The following USP10 variants were observed in gnomAD, a reference collection of about 807,000 sequenced individuals.
The protein encoded by USP10 is ubiquitin specific peptidase 10, also known as ubiquitin carboxyl-terminal hydrolase 10.
USP10 carries 22 observed loss-of-function variants against 84.5 expected under a neutral mutation model. The observed-to-expected ratio is 0.26, with a 90% CI of 0.19 to 0.37. The LOEUF is 0.37. Ranked by LOEUF, USP10 falls within the 10% of genes least tolerant of loss-of-function variation. The probability of loss-of-function intolerance (pLI) is 1.00; values close to 1 mark genes in which losing one functional copy is unlikely to be tolerated. For synonymous variants in USP10, 454 were observed against 387.6 expected (o/e 1.17, Z -2.01); for missense variants, 1,019 against 998.9 (o/e 1.02, Z -0.27).
intron 1 of USP10, 150 bp from the exon 2 acceptor site, chr16:84,733,285 C>CT: frequency 6.3e-6 from 4 of 633,450 alleles, no homozygotes; most frequent in South Asian, 1.9e-5. Context: ...ACCTAGAACT[C>CT]TGAGTTGCAG....
At chr16:84,704,622 G>T in intron 1 of USP10, 1 of 1,268,648 alleles carries the variant, frequency 7.9e-7, no homozygotes, top group South Asian at 1.8e-5. Flanking sequence ...AGCCCTTGGG[G>T]TATGTGTATA....
intron 1 of USP10, among the ~76,000 whole-genome samples, chr16:84,708,682 A>G (rs1905870107): frequency 1.3e-5 from 2 of 152,242 alleles, no homozygotes; most frequent in Admixed American, 1.3e-4. Context: ...GCAAAAAACA[A>G]AACACTTCCC....
chr16:84,721,926 C>G (rs1567600230), intron 1 of USP10, among the ~76,000 whole-genome samples: 2 of 152,186 alleles, frequency 1.3e-5, no homozygotes, highest in African/African-American at 2.4e-5. Flanking sequence ...TTGAACTCCT[C>G]TCAAGTGATC....
At chr16:84,740,231 T>G in intron 2 of USP10, 78 bp from the exon 3 acceptor site, 2 of 1,312,760 alleles carry the variant, frequency 1.5e-6, no homozygotes, top group Non-Finnish European at 2.2e-6. Flanking sequence ...TTTTAATGAA[T>G]TGTTGCCTTA....
chr16:84,741,338 G>A (rs1910596066), intron 3 of USP10, among the ~76,000 whole-genome samples: 1 of 152,198 alleles, frequency 6.6e-6, no homozygotes. Flanking sequence ...TGAGGGACCG[G>A]GAAGCCGGGC....
chr16:84,728,241 A>T (rs1401867621), intron 1 of USP10, among the ~76,000 whole-genome samples: 3 of 152,232 alleles, frequency 2.0e-5, no homozygotes, highest in South Asian at 2.1e-4. Context: ...TTGCTTCAAC[A>T]TTTAGTCAGA....
chr16:84,767,787 T>A (rs1460919134), intron 10 of USP10, among the ~76,000 whole-genome samples: 3 of 135,986 alleles, frequency 2.2e-5, no homozygotes, highest in Non-Finnish European at 5.2e-5. Context: ...TTTTTTTTAA[T>A]TTATTTTTTT....
intron 4 of USP10, among the ~76,000 whole-genome samples, chr16:84,757,565 T>C (rs907021079): frequency 2.0e-5 from 3 of 152,210 alleles, no homozygotes; most frequent in African/African-American, 7.2e-5. Flanking sequence ...TGGATGCTAC[T>C]ATCAAATGTA....
rs1263269427 is a variant in USP10, at chr16:84,725,512, T to C, written c.22-7923T>C. The stretch of plus-strand genomic sequence containing the variant: ...GCCTGCTGGGTTCAAGCAATTCTCC[T>C]GCCTCAGCCTCCTGAGTAGCTGAGA... On this transcript the variant is annotated intron_variant, in intron 1 of 13. Coordinates refer to ENST00000219473, the MANE Select transcript of USP10 (RefSeq NM_005153.3). 2.6e-5 allele frequency among the ~76,000 whole-genome samples: 4 copies of C among 152,216 alleles called. No homozygotes were observed. The East Asian group carries it at 7.7e-4, about 29-fold the overall frequency.
intron 2 of USP10, 78 bp downstream of exon 2, chr16:84,733,581 T>A (rs1362544187): frequency 9.0e-7 from 1 of 1,114,870 alleles, no homozygotes; most frequent in Admixed American, 2.5e-5. Flanking sequence ...TTTGTTTTTT[T>A]AAATAAAGAA....
chr16:84,752,579 G>A (rs17764145), intron 4 of USP10, among the ~76,000 whole-genome samples: 10,149 of 152,290 alleles, frequency 0.067, 374 homozygotes, highest in Non-Finnish European at 0.075. Flanking sequence ...TAAATAGAGC[G>A]AAGAGTGATA....
chr16:84,778,733 G>C (rs1023804098), intron 13 of USP10, among the ~76,000 whole-genome samples, 162 bp from the exon 14 acceptor site: 2 of 152,254 alleles, frequency 1.3e-5, no homozygotes, highest in East Asian at 3.8e-4. Flanking sequence ...GCGTGTTTGA[G>C]TTGAAATAGC....
chr16:84,713,465 G>A (rs1179027913), intron 1 of USP10, among the ~76,000 whole-genome samples: 1 of 151,938 alleles, frequency 6.6e-6, no homozygotes, highest in Non-Finnish European at 1.5e-5. Context: ...CTACATACCC[G>A]CTATCCTGAC....
chr16:84,705,988 C>T (rs1905450028), intron 1 of USP10, among the ~76,000 whole-genome samples: 1 of 152,164 alleles, frequency 6.6e-6, no homozygotes, highest in Non-Finnish European at 1.5e-5. Flanking sequence ...TCCCAAAGTG[C>T]TGGGATTACA....
intron 13 of USP10, among the ~76,000 whole-genome samples, chr16:84,776,795 C>T (rs1915068934): frequency 6.6e-6 from 1 of 152,190 alleles, no homozygotes. Flanking sequence ...CTCCCCTGCC[C>T]TCCTGAATCC....
intron 2 of USP10, among the ~76,000 whole-genome samples, chr16:84,738,865 C>G (rs1910266323): frequency 6.6e-6 from 1 of 152,170 alleles, no homozygotes; most frequent in Non-Finnish European, 1.5e-5. Context: ...CAAGCAGCAG[C>G]TCTCATACAG....
At chr16:84,718,308 C>T (rs1180431680) in intron 1 of USP10, among the ~76,000 whole-genome samples, 1 of 152,158 alleles carries the variant, frequency 6.6e-6, no homozygotes, top group Non-Finnish European at 1.5e-5. Context: ...AGATAGAGTG[C>T]AGTGGTGCAA....
At chr16:84,756,806 G>C (rs956995932) in intron 4 of USP10, among the ~76,000 whole-genome samples, 18 of 152,280 alleles carry the variant, frequency 1.2e-4, no homozygotes, top group African/African-American at 4.3e-4. Context: ...CTGTTCTGTG[G>C]CACACACTAG....
chr16:84,746,657 A>G (rs1337440955), intron 4 of USP10, among the ~76,000 whole-genome samples: 1 of 152,156 alleles, frequency 6.6e-6, no homozygotes, highest in African/African-American at 2.4e-5. Flanking sequence ...GTGGCTCTGG[A>G]TGGGTCAGTG....
Sources: allele counts gnomAD v4.1 joint callset (sites outside exome capture counted in the v4.1 genomes callset), GRCh38; gene constraint gnomAD v4.1.1; transcripts MANE v1.5; gene names NCBI Gene and HGNC (gene_info 2026-07-23, HGNC 2026-07-21).